Variants in BICD1 observed in about 807,000 individuals in gnomAD.
BICD1 encodes BICD cargo adaptor 1.
In BICD1, 35 loss-of-function variants were observed where a neutral mutation model predicts 92.5. That is an observed-to-expected ratio of 0.38 (90% CI 0.29 to 0.50). The LOEUF is 0.50. BICD1 is among the 20% of genes least tolerant of loss of function. The probability of loss-of-function intolerance (pLI) is 0.93; values close to 1 mark genes in which losing one functional copy is unlikely to be tolerated. For synonymous variants in BICD1, 429 were observed against 465.1 expected, an observed-to-expected ratio of 0.92 and a Z score of 1.00; for missense variants, 950 against 1,189.8, an observed-to-expected ratio of 0.80 and a Z score of 2.97.
At chr12:32,177,426 GA>G (rs1198052201) in intron 1 of BICD1, among the ~76,000 whole-genome samples, 2 of 150,372 alleles carry the variant, frequency 1.3e-5, no homozygotes, top group Non-Finnish European at 3.0e-5. Context: ...TGTTGATCTG[GA>G]GGAGTTTCTG....
At chr12:32,303,241 C>G (rs906179688) in intron 3 of BICD1, among the ~76,000 whole-genome samples, 18 of 152,064 alleles carry the variant, frequency 1.2e-4, no homozygotes, top group African/African-American at 4.3e-4. Context: ...CGTGCCCAGT[C>G]CTCATAATGC....
chr12:32,271,368 T>C (rs1166362910), intron 2 of BICD1, among the ~76,000 whole-genome samples: 2 of 152,170 alleles, frequency 1.3e-5, no homozygotes, highest in African/African-American at 4.8e-5. Flanking sequence ...TTCTGAAAGA[T>C]GTTAGGCCCT....
intron 4 of BICD1, among the ~76,000 whole-genome samples, chr12:32,325,281 T>A (rs1948749447): frequency 6.6e-6 from 1 of 152,238 alleles, no homozygotes; most frequent in African/African-American, 2.4e-5. Context: ...CATCCTTAGC[T>A]GTCTATGAGT....
At position 32,106,938 on chromosome 12, in the gene BICD1, C is replaced by G. The variant is rs1175110818; in HGVS notation, c.-394C>G. 4.7e-6 allele frequency: 1 copy of G among 211,200 alleles called. No individual in the cohort carries two copies. The highest frequency in any genetic ancestry group is 1.3e-4 in the East Asian group (1 of 7,508). The allele number at this position is 211,200 out of a possible 1,614,324, so 13.1% of individuals were successfully genotyped here. ...GGAGCGCGCCAGACCCAGGGCGAGA[C>G]TGCAGTGACGCGGCCCGGGAGACAT... On this transcript the variant is annotated 5_prime_UTR_variant, in exon 1 of 10. Coordinates refer to ENST00000652176, the MANE Select transcript of BICD1 (RefSeq NM_001714.4).
At chr12:32,362,181 G>A (rs746814717) in intron 8 of BICD1, among the ~76,000 whole-genome samples, 2 of 152,212 alleles carry the variant, frequency 1.3e-5, no homozygotes, top group African/African-American at 4.8e-5. Context: ...CCAACATGGC[G>A]ATACCCCATC....
chr12:32,295,005 C>T (rs1376963339), intron 3 of BICD1, among the ~76,000 whole-genome samples: 1 of 149,542 alleles, frequency 6.7e-6, no homozygotes, highest in Non-Finnish European at 1.5e-5. Context: ...TTGCTTGAAC[C>T]CAGGATGCGG....
intron 1 of BICD1, among the ~76,000 whole-genome samples, chr12:32,138,747 C>T (rs143507479): frequency 2.0e-5 from 3 of 152,066 alleles, no homozygotes; most frequent in African/African-American, 4.8e-5. Context: ...ATAGGTTAGG[C>T]GTATTAAATG....
intron 1 of BICD1, among the ~76,000 whole-genome samples, chr12:32,121,520 G>A (rs1221642468): frequency 6.6e-6 from 1 of 151,794 alleles, no homozygotes; most frequent in Non-Finnish European, 1.5e-5. Context: ...TTGAACCTGG[G>A]AGGCGGAGGT....
chr12:32,308,560 A>C (rs1948292533), intron 4 of BICD1, among the ~76,000 whole-genome samples: 1 of 152,126 alleles, frequency 6.6e-6, no homozygotes, highest in African/African-American at 2.4e-5. Flanking sequence ...TTTATTAGGC[A>C]CTCACTTTAT....
In BICD1 at chr12:32,350,419, G is replaced by A. The variant is rs531890815; in HGVS notation, c.2764+11440G>A. ...TTGAGCCCAGGAGGTGGGGGCTGCA[G>A]TGAGCTGTGATTGCACCACTGCACT... On this transcript the variant is annotated intron_variant, in intron 8 of 9. Coordinates refer to ENST00000652176, the MANE Select transcript of BICD1 (RefSeq NM_001714.4). 1.3e-4 allele frequency among the ~76,000 whole-genome samples: 20 copies of A among 152,334 alleles called. No homozygotes were observed. The South Asian group carries it at 2.7e-3, about 20-fold the overall frequency.
intron 2 of BICD1, among the ~76,000 whole-genome samples, chr12:32,287,685 C>T (rs1321681659): frequency 3.9e-5 from 6 of 152,138 alleles, no homozygotes; most frequent in African/African-American, 2.4e-5. Context: ...TACAGGTGCC[C>T]GCCACCACAC....
intron 3 of BICD1, among the ~76,000 whole-genome samples, chr12:32,304,615 G>C (rs1160260253): frequency 6.6e-6 from 1 of 152,228 alleles, no homozygotes; most frequent in African/African-American, 2.4e-5. Flanking sequence ...AGGATCCCAA[G>C]GAGGCATGTC....
chr12:32,332,803 C>CA, intron 5 of BICD1: 1 of 950,658 alleles, frequency 1.1e-6, no homozygotes, highest in Non-Finnish European at 1.3e-6. Flanking sequence ...TTTGGAGTGA[C>CA]AAAATAGAAT....
chr12:32,332,714 TAGTTTGTTATTAAAGGATAAGA>T, intron 5 of BICD1: 1 of 398,312 alleles, frequency 2.5e-6, no homozygotes, highest in Non-Finnish European at 3.4e-6. Context: ...AATTATACCT[TAGTTTGTTATTAAAGGATAAGA>T]AGTTGTTTTC....
chr12:32,322,917 G>C (rs1041258716), intron 4 of BICD1, among the ~76,000 whole-genome samples: 1 of 152,184 alleles, frequency 6.6e-6, no homozygotes, highest in Non-Finnish European at 1.5e-5. Flanking sequence ...TTTGGAAACA[G>C]CCTTATCTGT....
intron 2 of BICD1, among the ~76,000 whole-genome samples, chr12:32,244,076 T>TTTTTTTTTTTTTTTTTTTTTTTTTTTTTA (rs1565613579): frequency 1.3e-5 from 2 of 152,136 alleles, no homozygotes; most frequent in African/African-American, 4.8e-5. Context: ...ACTCATTCTT[T>TTTTTTTTTTTTTTTTTTTTTTTTTTTTTA]ATCTGCTATT....
intron 8 of BICD1, among the ~76,000 whole-genome samples, chr12:32,348,282 A>G (rs1046182449): frequency 3.3e-5 from 5 of 152,186 alleles, no homozygotes; most frequent in Non-Finnish European, 7.3e-5. Flanking sequence ...ACTCTGTAGC[A>G]AGAATGTGTA....
chr12:32,110,227 A>G (rs920547331), intron 1 of BICD1, among the ~76,000 whole-genome samples: 5 of 152,216 alleles, frequency 3.3e-5, no homozygotes, highest in Admixed American at 2.6e-4. Context: ...CAATAATGCA[A>G]GTCGGCAGTG....
At chr12:32,332,376 CTTAAAAG>C in intron 5 of BICD1, 1 of 923,694 alleles carries the variant, frequency 1.1e-6, no homozygotes, top group African/African-American at 1.8e-5. Flanking sequence ...TACCCCTGAA[CTTAAAAG>C]TTAAAAATAA....
Sources: allele counts gnomAD v4.1 joint callset (sites outside exome capture counted in the v4.1 genomes callset), GRCh38; gene constraint gnomAD v4.1.1; transcripts MANE v1.5; gene names NCBI Gene and HGNC (gene_info 2026-07-23, HGNC 2026-07-21).